MYO1B: variants seen among roughly 807,000 people sequenced by gnomAD.
The protein encoded by MYO1B is myosin IB, also known as unconventional myosin-Ib.
In MYO1B, 72 loss-of-function variants were observed where a neutral mutation model predicts 159.7. The observed-to-expected ratio is 0.45, with a 90% confidence interval of 0.37 to 0.55. MYO1B has a LOEUF of 0.55. Ranked by LOEUF, MYO1B falls within the 20% of genes least tolerant of loss-of-function variation. The probability of loss-of-function intolerance (pLI) is 0.00; values close to 1 mark genes in which losing one functional copy is unlikely to be tolerated. For synonymous variants in MYO1B, 468 were observed against 473.8 expected (o/e 0.99, Z 0.16); for missense variants, 1,062 against 1,364.8 (o/e 0.78, Z 3.50).
At position 191,386,046 on chromosome 2, in the gene MYO1B, C is replaced by T. The variant is rs1695379403; in HGVS notation, c.1516C>T (p.Pro506Ser). The change falls in exon 16 of 31, where the codon CCT becomes TCT. Residue 506 changes from proline to serine, a missense_variant. Pro to Ser is a moderately conservative substitution (Grantham distance 74). Coordinates refer to ENST00000392318, the MANE Select transcript of MYO1B (RefSeq NM_001130158.3). ...CSRFLNDTSL[P>S]HSCFRIQHYA... ...TCGGTTCCTCAATGACACGTCTCTG[C>T]CTCACAGCTGCTTCAGGATCCAGCA... 1 of 1,613,964 alleles carries T rather than the reference C, an allele frequency of 6.2e-7. No individual in the cohort carries two copies. Among genetic ancestry groups the T allele is most frequent in the African/African-American group, 1.3e-5 (1 of 74,900 alleles).
intron 4 of MYO1B, 64 bp from the exon 5 acceptor site, chr2:191,341,397 C>G: frequency 7.2e-7 from 1 of 1,387,232 alleles, no homozygotes; most frequent in Non-Finnish European, 1.0e-6. Context: ...CACATTTCCT[C>G]CTCCCCAAAA....
chr2:191,271,892 A>G (rs904932263), intron 1 of MYO1B, among the ~76,000 whole-genome samples: 1 of 152,208 alleles, frequency 6.6e-6, no homozygotes, highest in Non-Finnish European at 1.5e-5. Context: ...TCCCAAGTGC[A>G]GATGATGTTG....
intron 1 of MYO1B, among the ~76,000 whole-genome samples, chr2:191,260,107 T>C (rs545459017): frequency 1.3e-5 from 2 of 151,952 alleles, no homozygotes; most frequent in African/African-American, 4.8e-5. Flanking sequence ...ATAAGGAGTG[T>C]CCGGAGGTGG....
At chr2:191,343,566 A>G (rs541287683) in intron 5 of MYO1B, among the ~76,000 whole-genome samples, 2 of 152,348 alleles carry the variant, frequency 1.3e-5, no homozygotes, top group South Asian at 4.1e-4. Flanking sequence ...GGAAAGCGAT[A>G]TCTCTCAATT....
chr2:191,295,379 G>A (rs1464414793), intron 2 of MYO1B, among the ~76,000 whole-genome samples: 1 of 152,082 alleles, frequency 6.6e-6, no homozygotes, highest in Non-Finnish European at 1.5e-5. Context: ...GAAAAGTTTA[G>A]TACATGCTAA....
chr2:191,376,795 T>C (rs1694740363), intron 13 of MYO1B, among the ~76,000 whole-genome samples: 1 of 152,228 alleles, frequency 6.6e-6, no homozygotes, highest in African/African-American at 2.4e-5. Context: ...CTGCCACTTC[T>C]ATTTACTGTC....
At chr2:191,301,859 T>G (rs914617309) in intron 3 of MYO1B, among the ~76,000 whole-genome samples, 5 of 152,202 alleles carry the variant, frequency 3.3e-5, no homozygotes, top group African/African-American at 4.8e-5. Context: ...TGATGCAGTT[T>G]ATCACCAACA....
chr2:191,371,151 C>G (rs567130544), intron 13 of MYO1B: 1 of 152,210 alleles, frequency 6.6e-6, no homozygotes, highest in East Asian at 1.9e-4. Context: ...GTTTGGTTCA[C>G]GGAAATAAGA....
At chr2:191,306,412 A>G (rs1689654843) in intron 3 of MYO1B, among the ~76,000 whole-genome samples, 1 of 152,138 alleles carries the variant, frequency 6.6e-6, no homozygotes, top group Non-Finnish European at 1.5e-5. Context: ...GGATGGGCAG[A>G]TGAGGTAGAA....
At chr2:191,374,389 T>C (rs1190460696) in intron 13 of MYO1B, among the ~76,000 whole-genome samples, 2 of 152,220 alleles carry the variant, frequency 1.3e-5, no homozygotes, top group Non-Finnish European at 2.9e-5. Context: ...TTCTGCCTTT[T>C]AGAATACCCT....
chr2:191,345,123 A>G (rs968655402), intron 5 of MYO1B, among the ~76,000 whole-genome samples: 1 of 152,102 alleles, frequency 6.6e-6, no homozygotes, highest in Admixed American at 6.6e-5. Context: ...TCTGTTCACC[A>G]CATTATTCAT....
chr2:191,385,505 T>C (rs1053363285), intron 15 of MYO1B, among the ~76,000 whole-genome samples: 1 of 138,030 alleles, frequency 7.2e-6, no homozygotes, highest in Non-Finnish European at 1.6e-5. Context: ...ATAGAGGCTG[T>C]ATTGTCACAT....
chr2:191,270,674 A>G, intron 1 of MYO1B, among the ~76,000 whole-genome samples: 1 of 152,230 alleles, frequency 6.6e-6, no homozygotes, highest in East Asian at 1.9e-4. Context: ...ACCACATCCT[A>G]CAGACTTGGC....
At chr2:191,399,214 C>CAGT (rs1696436441) in intron 21 of MYO1B, among the ~76,000 whole-genome samples, 1 of 152,070 alleles carries the variant, frequency 6.6e-6, no homozygotes, top group Admixed American at 6.5e-5. Flanking sequence ...GAGATGGCAG[C>CAGT]AGTACCATCC....
At chr2:191,320,854 A>T (rs1690665003) in intron 3 of MYO1B, among the ~76,000 whole-genome samples, 1 of 152,102 alleles carries the variant, frequency 6.6e-6, no homozygotes, top group South Asian at 2.1e-4. Flanking sequence ...TTAAAAAAAA[A>T]AATCAGACAG....
intron 7 of MYO1B, 132 bp downstream of exon 7, chr2:191,350,357 C>A: frequency 1.8e-6 from 1 of 568,566 alleles, no homozygotes; most frequent in South Asian, 2.8e-5. Flanking sequence ...AGACTTTAAG[C>A]TTTGCATTTC....
intron 3 of MYO1B, among the ~76,000 whole-genome samples, chr2:191,315,182 T>TCCATCCATCCATCCAC (rs1559162373): frequency 6.6e-6 from 1 of 151,824 alleles, no homozygotes; most frequent in African/African-American, 2.4e-5. Context: ...CATCCATCCA[T>TCCATCCATCCATCCAC]CCATCCATCC....
At chr2:191,421,290 A>G (rs1697923422) in intron 30 of MYO1B, among the ~76,000 whole-genome samples, 1 of 151,360 alleles carries the variant, frequency 6.6e-6, no homozygotes, top group Non-Finnish European at 1.5e-5. Flanking sequence ...GGCTGGTTCC[A>G]AACTCCTGAC....
At chr2:191,348,269 C>A (rs1692695939) in intron 6 of MYO1B, among the ~76,000 whole-genome samples, 1 of 152,102 alleles carries the variant, frequency 6.6e-6, no homozygotes. Flanking sequence ...TTTTTACTCT[C>A]AGCTCATGAT....
Sources: allele counts gnomAD v4.1 joint callset (sites outside exome capture counted in the v4.1 genomes callset), GRCh38; gene constraint gnomAD v4.1.1; transcripts MANE v1.5; gene names NCBI Gene and HGNC (gene_info 2026-07-23, HGNC 2026-07-21).